The following TYW1 variants were observed in gnomAD, a reference collection of about 807,000 sequenced individuals.
TYW1 encodes the protein tRNA-yW synthesizing protein 1 homolog.
TYW1 carries 46 observed loss-of-function variants against 96.2 expected under a neutral mutation model. That is an observed-to-expected ratio of 0.48 (90% CI 0.38 to 0.61). TYW1 has a LOEUF of 0.61. TYW1 is among the 20% of genes least tolerant of loss of function. The pLI is 0.00. For synonymous variants in TYW1, 274 were observed against 323.0 expected, an observed-to-expected ratio of 0.85 and a Z score of 1.63; for missense variants, 684 against 909.6, an observed-to-expected ratio of 0.75 and a Z score of 3.19.
At chr7:67,013,030 G>A (rs2129240693) in intron 4 of TYW1, among the ~76,000 whole-genome samples, 1 of 152,068 alleles carries the variant, frequency 6.6e-6, no homozygotes, top group South Asian at 2.1e-4. Flanking sequence ...ATGGTGCCAA[G>A]TGTTAAATTA....
At chr7:67,089,453 G>A (rs535459922) in intron 11 of TYW1, 42 of 1,217,052 alleles carry the variant, frequency 3.5e-5, no homozygotes, top group Middle Eastern at 2.6e-4. Context: ...GGTGGAAGGC[G>A]TGGCCTTGAG....
chr7:67,222,469 T>C (rs1801424849), intron 15 of TYW1, among the ~76,000 whole-genome samples: 1 of 138,592 alleles, frequency 7.2e-6, no homozygotes, highest in African/African-American at 2.9e-5. Context: ...GGATTCCTGG[T>C]TGACATTTTT....
At chr7:67,045,038 G>A (rs1210667170) in intron 7 of TYW1, among the ~76,000 whole-genome samples, 1 of 152,122 alleles carries the variant, frequency 6.6e-6, no homozygotes, top group Non-Finnish European at 1.5e-5. Flanking sequence ...GAAAAAGCTT[G>A]TTTGTTGTAA....
chr7:67,144,918 G>C (rs1359451164), intron 13 of TYW1, among the ~76,000 whole-genome samples: 1 of 151,696 alleles, frequency 6.6e-6, no homozygotes, highest in Admixed American at 6.6e-5. Context: ...GAAAAATCCA[G>C]AATGCCAGCT....
At chr7:67,191,879 CT>C (rs1800229335) in intron 14 of TYW1, among the ~76,000 whole-genome samples, 1 of 150,024 alleles carries the variant, frequency 6.7e-6, no homozygotes, top group Admixed American at 6.7e-5. Flanking sequence ...GGTTTTGTTG[CT>C]GTTGTTGTTT....
Position 67,186,238 on chromosome 7 carries a change from T to TC in TYW1, c.1809+3005dup, listed in dbSNP as rs201987182. ...TATAATAAAGCAGCTTGGCTGGATCTCCCTTTTTTTCATTTCCTTCCTTTC... is the reference window on the plus strand; with the variant it reads ...TATAATAAAGCAGCTTGGCTGGATCTCCCCTTTTTTTCATTTCCTTCCTTTC... On this transcript the variant is annotated intron_variant, in intron 14 of 15. Coordinates refer to ENST00000359626, the MANE Select transcript of TYW1 (RefSeq NM_018264.4). Among the ~76,000 whole-genome samples the TC allele has an allele frequency of 4.9e-3, 664 of 136,394 alleles. 27 individuals are homozygous for TC. The East Asian group carries it at 0.061, about 13-fold the overall frequency. The allele number at this position is 136,394 out of a possible 152,430, so 89.5% of individuals were successfully genotyped here. A position where few individuals can be genotyped will look rare whatever the true frequency, so the allele number is the denominator to read the frequency against.
chr7:67,025,084 T>G (rs1175048942), intron 7 of TYW1, 62 bp downstream of exon 7: 1 of 1,599,994 alleles, frequency 6.3e-7, no homozygotes, highest in Admixed American at 1.7e-5. Context: ...TTAGTATTTC[T>G]TTATTACTGT....
chr7:67,163,948 C>A (rs1003742420), intron 13 of TYW1, among the ~76,000 whole-genome samples: 6 of 152,140 alleles, frequency 3.9e-5, no homozygotes, highest in African/African-American at 1.4e-4. Flanking sequence ...GGATTACAAG[C>A]GTAAACCACC....
chr7:67,094,170 G>C (rs546992997), intron 11 of TYW1, among the ~76,000 whole-genome samples: 2 of 152,198 alleles, frequency 1.3e-5, no homozygotes, highest in East Asian at 3.9e-4. Context: ...TAAAGGACAT[G>C]ATTTTGTTCG....
chr7:67,183,489 G>A (rs7780700), intron 14 of TYW1, among the ~76,000 whole-genome samples: 41,953 of 151,246 alleles, frequency 0.28, 6,115 homozygotes, highest in African/African-American at 0.39. Context: ...TCCACACAAA[G>A]TGAGTCATTA....
At chr7:67,156,068 A>G (rs1488979976) in intron 13 of TYW1, among the ~76,000 whole-genome samples, 2 of 151,992 alleles carry the variant, frequency 1.3e-5, no homozygotes, top group African/African-American at 4.8e-5. Context: ...TACCAGCCCG[A>G]TCATTCGTAA....
Position 67,035,725 on chromosome 7 carries a change from C to A in TYW1, c.984+10703C>A, listed in dbSNP as rs1794814624. Among the ~76,000 whole-genome samples, 3 of 152,122 alleles carry A rather than the reference C, an allele frequency of 2.0e-5. No individual in the cohort carries two copies. The South Asian group carries it at 6.2e-4, about 32-fold the overall frequency. On this transcript the variant is annotated intron_variant, in intron 7 of 15. Transcript: ENST00000359626. ...ATGGAGTCTTCCTCTGTTGCCCAGG[C>A]CAGAGTACAGTGGCGCCATCTCGCT...
Position 67,165,135 on chromosome 7 carries a change from A to C in TYW1, c.1699-17991A>C, listed in dbSNP as rs541408128. 3.3e-5 allele frequency among the ~76,000 whole-genome samples: 5 copies of C among 152,286 alleles called. 1 individual carries two copies. In the South Asian group the frequency reaches 1.0e-3, roughly 32 times the overall value. ...CAGCACTGAATATTGCTGTTTAAAA[A>C]AAAATCTTTGCCAATTTGATAAGCC... On this transcript the variant is annotated intron_variant, in intron 13 of 15. Transcript: ENST00000359626.
At chr7:67,107,089 C>T (rs2690157) in intron 12 of TYW1, among the ~76,000 whole-genome samples, 9 of 152,264 alleles carry the variant, frequency 5.9e-5, no homozygotes, top group East Asian at 1.9e-4. Context: ...TGTCTCTTTA[C>T]GTATTAGGTG....
rs749739896 is a variant in TYW1 at position 67,014,418 on chromosome 7, C to T, written c.427C>T (p.Leu143=). 6.2e-7 allele frequency: 1 copy of T among 1,613,716 alleles called. No homozygotes were observed. The highest frequency in any genetic ancestry group is 1.3e-5 in the African/African-American group (1 of 74,912). ...CCTGGTTGCGACATACACTGACGGC[C>T]TACCAACTGAAAGTGCAGAGTGGTT... ...VFLVATYTDG[L]PTESAEWFCK... Residue 143 remains leucine, a synonymous_variant, in exon 5 of 16, where the codon CTA becomes TTA. Coordinates refer to ENST00000359626, the MANE Select transcript of TYW1 (RefSeq NM_018264.4).
intron 13 of TYW1, among the ~76,000 whole-genome samples, chr7:67,178,209 A>G (rs1799737701): frequency 6.6e-6 from 1 of 151,932 alleles, no homozygotes; most frequent in Non-Finnish European, 1.5e-5. Context: ...GAGAGAGATG[A>G]GTACAGTAGC....
chr7:67,198,860 A>G (rs1800493820), intron 15 of TYW1, among the ~76,000 whole-genome samples: 1 of 152,088 alleles, frequency 6.6e-6, no homozygotes, highest in African/African-American at 2.4e-5. Flanking sequence ...TGATGTTGCT[A>G]TTTTAAAAGA....
At chr7:67,069,704 A>G (rs1291057965) in intron 10 of TYW1, among the ~76,000 whole-genome samples, 1 of 152,136 alleles carries the variant, frequency 6.6e-6, no homozygotes, top group Non-Finnish European at 1.5e-5. Flanking sequence ...GTGCCACTGC[A>G]CTCCAGCCTG....
At chr7:67,139,728 G>GGGGTGTGT (rs1384298962) in intron 13 of TYW1, among the ~76,000 whole-genome samples, 3 of 138,436 alleles carry the variant, frequency 2.2e-5, no homozygotes, top group African/African-American at 8.3e-5. Context: ...TGTGTATACA[G>GGGGTGTGT]GTGTGTGTGT....
Sources: gnomAD v4.1 joint callset for allele counts (sites outside exome capture counted in the v4.1 genomes callset) on GRCh38, gnomAD v4.1.1 for gene constraint, MANE v1.5 for transcripts, NCBI Gene and HGNC (gene_info 2026-07-23, HGNC 2026-07-21) for gene names.